Variants in SYNPR observed in about 807,000 individuals in gnomAD.
The protein encoded by SYNPR is synaptoporin.
SYNPR carries 23 observed loss-of-function variants against 32.9 expected under a neutral mutation model. The ratio of observed to expected loss-of-function variants is 0.70; its 90% CI spans 0.50 to 0.99. The LOEUF (loss-of-function observed/expected upper bound fraction) is 0.99. Among genes scored for constraint, SYNPR ranks in the 50% least tolerant of loss-of-function variants. The probability of loss-of-function intolerance (pLI) is 0.00; values close to 1 mark genes in which losing one functional copy is unlikely to be tolerated. For missense variants in SYNPR, 318 were observed against 349.3 expected (o/e 0.91, Z 0.71); for synonymous variants, 146 against 135.9 (o/e 1.07, Z -0.52).
chr3:63,278,430 T>A lies in SYNPR; in HGVS notation c.-104T>A. On this transcript the variant is annotated 5_prime_UTR_variant, in exon 1 of 6. Transcript: ENST00000478300. ...CCGGGCTGCTCCAGGGTGTCGCTCCTCTGGCTGCTCCCGAAGGGGCTTCTG... is the reference window on the plus strand; with the variant it reads ...CCGGGCTGCTCCAGGGTGTCGCTCCACTGGCTGCTCCCGAAGGGGCTTCTG... 3 of 1,425,490 alleles carry A rather than the reference T, an allele frequency of 2.1e-6. No homozygotes were observed. The African/African-American group carries it at 4.3e-5, about 21-fold the overall frequency. 88.3% of individuals were successfully genotyped at this position (1,425,490 alleles called of 1,614,324 possible).
At chr3:63,408,612 A>G (rs561877004) in intron 2 of SYNPR, among the ~76,000 whole-genome samples, 1 of 152,252 alleles carries the variant, frequency 6.6e-6, no homozygotes, top group African/African-American at 2.4e-5. Context: ...AAGCTGGAGA[A>G]CCTGGAATTC....
chr3:63,250,298 A>T (rs1201768554), intron 1 of SYNPR, among the ~76,000 whole-genome samples: 1 of 152,152 alleles, frequency 6.6e-6, no homozygotes, highest in Non-Finnish European at 1.5e-5. Context: ...CATATGTACA[A>T]TTATTACATG....
intron 2 of SYNPR, among the ~76,000 whole-genome samples, chr3:63,322,122 G>C (rs574707794): frequency 6.6e-5 from 10 of 151,984 alleles, no homozygotes; most frequent in Non-Finnish European, 1.3e-4. Flanking sequence ...CTTCCTGATG[G>C]AGGAATAGGA....
chr3:63,224,995 A>G (rs1162541810), upstream of SYNPR, among the ~76,000 whole-genome samples: 2 of 152,118 alleles, frequency 1.3e-5, no homozygotes, highest in East Asian at 3.9e-4. Flanking sequence ...TGTTCTTGCT[A>G]TTGATCCCTT....
At chr3:63,500,651 GA>G (rs1701461759) in intron 3 of SYNPR, among the ~76,000 whole-genome samples, 2 of 152,136 alleles carry the variant, frequency 1.3e-5, no homozygotes, top group African/African-American at 4.8e-5. Flanking sequence ...AAACCAAAAA[GA>G]ATGGTTTCTC....
At chr3:63,462,491 C>T (rs1261719467) in intron 2 of SYNPR, among the ~76,000 whole-genome samples, 1 of 151,870 alleles carries the variant, frequency 6.6e-6, no homozygotes, top group African/African-American at 2.4e-5. Context: ...ACAGACTGTC[C>T]CCAAAAGAGC....
intron 2 of SYNPR, among the ~76,000 whole-genome samples, chr3:63,321,763 A>AACAGAG (rs201441948): frequency 0.017 from 2,612 of 152,190 alleles, 82 homozygotes; most frequent in African/African-American, 0.059. Context: ...GTGTGTTTAC[A>AACAGAG]AACACCTCTC....
At chr3:63,530,880 C>A (rs1702100784) in intron 3 of SYNPR, among the ~76,000 whole-genome samples, 1 of 152,152 alleles carries the variant, frequency 6.6e-6, no homozygotes, top group Non-Finnish European at 1.5e-5. Context: ...AACAAATTGC[C>A]TTGAAAGAGA....
intron 2 of SYNPR, chr3:63,351,391 A>G (rs542343821): frequency 6.6e-6 from 1 of 152,188 alleles, no homozygotes; most frequent in African/African-American, 2.4e-5. Context: ...ATCAAGTGTG[A>G]GTGCACCCTA....
At chr3:63,497,833 A>AT (rs746034875) in intron 3 of SYNPR, among the ~76,000 whole-genome samples, 1 of 152,192 alleles carries the variant, frequency 6.6e-6, no homozygotes, top group African/African-American at 2.4e-5. Flanking sequence ...TGTAATGTGA[A>AT]TTCCTCCCTA....
intron 2 of SYNPR, among the ~76,000 whole-genome samples, chr3:63,382,740 A>C (rs1028553472): frequency 6.6e-6 from 1 of 152,062 alleles, no homozygotes; most frequent in African/African-American, 2.4e-5. Context: ...TATAATTTCT[A>C]GGGTTTTTAG....
chr3:63,271,752 G>T (rs2086536811), intron 3 of SYNPR, among the ~76,000 whole-genome samples: 1 of 151,876 alleles, frequency 6.6e-6, no homozygotes, highest in Admixed American at 6.6e-5. Flanking sequence ...AAAAAAATAT[G>T]CTGTATTATA....
At chr3:63,537,847 A>G (rs1031610610) in intron 3 of SYNPR, among the ~76,000 whole-genome samples, 1 of 152,156 alleles carries the variant, frequency 6.6e-6, no homozygotes, top group Admixed American at 6.6e-5. Flanking sequence ...TCCTAAGAAG[A>G]ATAAGAAATT....
At position 63,494,470 on chromosome 3, in the gene SYNPR, CATATATACAT is replaced by C. The variant is rs1225773527; in HGVS notation, c.209+13540_209+13549del. 3.7e-4 allele frequency among the ~76,000 whole-genome samples: 34 copies of C among 91,020 alleles called. 1 individual carries two copies. The highest frequency in any genetic ancestry group is 3.5e-3 in the East Asian group (12 of 3,392). 59.7% of individuals were successfully genotyped at this position (91,020 alleles called of 152,430 possible). On this transcript the variant is annotated intron_variant, in intron 3 of 5. Transcript: ENST00000478300. ...ATACACATATATATACATATATACA[CATATATACAT>C]ATATATACATATATATACATATATA...
At chr3:63,389,560 T>G (rs2088105081) in intron 2 of SYNPR, among the ~76,000 whole-genome samples, 2 of 152,156 alleles carry the variant, frequency 1.3e-5, no homozygotes, top group Non-Finnish European at 2.9e-5. Context: ...ATCACTGAGG[T>G]TGGCAGGTAA....
chr3:63,273,952 C>T (rs1164992555), upstream of SYNPR, among the ~76,000 whole-genome samples: 1 of 152,118 alleles, frequency 6.6e-6, no homozygotes, highest in African/African-American at 2.4e-5. Flanking sequence ...ATCTCCTGTC[C>T]TGTGTACCAG....
chr3:63,331,412 CA>C (rs1307229435), intron 2 of SYNPR, among the ~76,000 whole-genome samples: 1 of 152,178 alleles, frequency 6.6e-6, no homozygotes, highest in African/African-American at 2.4e-5. Context: ...TAGAATTCTT[CA>C]AGAATCCTCT....
At chr3:63,478,947 CTACTAA>C (rs1287970903) in intron 2 of SYNPR, among the ~76,000 whole-genome samples, 3 of 152,116 alleles carry the variant, frequency 2.0e-5, no homozygotes, top group African/African-American at 7.2e-5. Context: ...TCTATTAATA[CTACTAA>C]TACTAATTGC....
At chr3:63,612,853 T>A (rs192309356) in intron 5 of SYNPR, among the ~76,000 whole-genome samples, 2 of 151,696 alleles carry the variant, frequency 1.3e-5, no homozygotes, top group East Asian at 3.9e-4. Context: ...ACTGAAAAGA[T>A]CCCTTGATAA....
Sources: allele counts gnomAD v4.1 joint callset (sites outside exome capture counted in the v4.1 genomes callset), GRCh38; gene constraint gnomAD v4.1.1; transcripts MANE v1.5; gene names NCBI Gene and HGNC (gene_info 2026-07-23, HGNC 2026-07-21).